Variants in VRK2 observed in about 807,000 individuals in gnomAD.
The protein encoded by VRK2 is serine/threonine-protein kinase VRK2.
VRK2 carries 60 observed loss-of-function variants against 57.6 expected under a neutral mutation model. The observed-to-expected ratio is 1.04, with a 90% CI of 0.85 to 1.29. VRK2 has a LOEUF of 1.29. Among genes scored for constraint, VRK2 ranks in the 50% most tolerant of loss-of-function variants. The pLI, the probability that VRK2 is intolerant of heterozygous loss-of-function variation, is 0.00. For missense variants in VRK2, 705 were observed against 588.1 expected (o/e 1.20, Z -2.06); for synonymous variants, 231 against 199.2 (o/e 1.16, Z -1.35).
intron 2 of VRK2, among the ~76,000 whole-genome samples, chr2:58,064,614 A>G (rs541613981): frequency 6.6e-6 from 1 of 152,272 alleles, no homozygotes; most frequent in Non-Finnish European, 1.5e-5. Flanking sequence ...CTTCATGGCA[A>G]TATTCATTTT....
intron 7 of VRK2, among the ~76,000 whole-genome samples, chr2:58,120,502 T>A (rs1468085049): frequency 6.6e-6 from 1 of 152,042 alleles, no homozygotes; most frequent in African/African-American, 2.4e-5. Context: ...GGTTTTCATC[T>A]TTATATTAAA....
chr2:58,141,694 A>G (rs1681365214), intron 11 of VRK2, among the ~76,000 whole-genome samples: 1 of 151,992 alleles, frequency 6.6e-6, no homozygotes. Flanking sequence ...TGGGCTCACC[A>G]TATGTGGCTA....
chr2:58,117,902 TAG>T (rs1244277318), intron 7 of VRK2, among the ~76,000 whole-genome samples: 1 of 150,146 alleles, frequency 6.7e-6, no homozygotes, highest in East Asian at 2.0e-4. Context: ...GAGAAAAGAG[TAG>T]AGACACAGAG....
intron 2 of VRK2, among the ~76,000 whole-genome samples, chr2:58,061,526 TTAAAA>T (rs1387532401): frequency 1.3e-5 from 2 of 151,938 alleles, no homozygotes; most frequent in Non-Finnish European, 2.9e-5. Flanking sequence ...AAAGCAATAC[TTAAAA>T]TGATAAGATA....
chr2:58,070,163 A>G (rs906875039), intron 2 of VRK2, among the ~76,000 whole-genome samples: 2 of 152,142 alleles, frequency 1.3e-5, no homozygotes, highest in African/African-American at 4.8e-5. Flanking sequence ...ATTATTCACT[A>G]AAGTCCATAA....
At chr2:57,936,528 T>G (rs1300529515) in intron 1 of VRK2, among the ~76,000 whole-genome samples, 5 of 148,322 alleles carry the variant, frequency 3.4e-5, no homozygotes, top group Non-Finnish European at 5.9e-5. Context: ...GTTTTGTTTT[T>G]TTGTTTTTTT....
chr2:58,058,307 T>C, intron 2 of VRK2: 1 of 467,980 alleles, frequency 2.1e-6, no homozygotes, highest in South Asian at 1.6e-5. Flanking sequence ...TGCTGTATTT[T>C]ATCATGAAGA....
At chr2:57,980,636 T>G (rs1672392900) in intron 1 of VRK2, among the ~76,000 whole-genome samples, 1 of 152,206 alleles carries the variant, frequency 6.6e-6, no homozygotes, top group Non-Finnish European at 1.5e-5. Context: ...CAATTTGTGT[T>G]GAAATTTCCA....
intron 1 of VRK2, among the ~76,000 whole-genome samples, chr2:57,958,439 ATATATATTTG>A (rs201422559): frequency 0.011 from 1,536 of 145,182 alleles, 27 homozygotes; most frequent in African/African-American, 0.04. Flanking sequence ...ATATACATGT[ATATATATTTG>A]TATATATATA....
upstream of VRK2, among the ~76,000 whole-genome samples, chr2:58,043,608 A>G (rs1490343618): frequency 6.6e-6 from 1 of 152,112 alleles, no homozygotes; most frequent in Non-Finnish European, 1.5e-5. Context: ...TTCATTGTAT[A>G]GTAGATATAG....
intron 7 of VRK2, among the ~76,000 whole-genome samples, chr2:58,117,477 G>C (rs557358499): frequency 1.3e-5 from 2 of 152,194 alleles, no homozygotes; most frequent in African/African-American, 4.8e-5. Context: ...AGGTCACATG[G>C]GTCTATAGAA....
intron 11 of VRK2, 93 bp from the exon 12 acceptor site, chr2:58,146,223 G>C: frequency 8.7e-7 from 1 of 1,146,276 alleles, no homozygotes; most frequent in South Asian, 2.0e-5. Flanking sequence ...AGCTTGGCAA[G>C]TTTAGAGCTT....
chr2:57,973,266 A>G (rs73942261), intron 1 of VRK2, among the ~76,000 whole-genome samples: 3,978 of 151,934 alleles, frequency 0.026, 172 homozygotes, highest in African/African-American at 0.091. Flanking sequence ...CTTACGGATA[A>G]ATTTGAACAT....
At chr2:58,032,502 GATC>G (rs1674147117) in intron 2 of VRK2, among the ~76,000 whole-genome samples, 1 of 152,008 alleles carries the variant, frequency 6.6e-6, no homozygotes, top group African/African-American at 2.4e-5. Flanking sequence ...CTTATGATCT[GATC>G]ATCTTCCAAA....
intron 9 of VRK2, 89 bp from the exon 10 acceptor site, chr2:58,135,052 C>A: frequency 7.0e-7 from 1 of 1,419,378 alleles, no homozygotes; most frequent in Non-Finnish European, 9.8e-7. Context: ...TTTTGGTGAC[C>A]TACCAACACA....
rs377547569 is a variant in VRK2, at chr2:57,925,059, T to C, written c.-439+17220T>C. ...CCATCTTTGCATCCCTGGGATCAAT[T>C]CCACTTGGTGATGATTAGTGATCTT... On this transcript the variant is annotated intron_variant, in intron 1 of 15. Coordinates refer to the VRK2 transcript ENST00000417641. 3.5e-4 allele frequency among the ~76,000 whole-genome samples: 53 copies of C among 152,186 alleles called. 1 individual carries two copies. The South Asian group carries it at 0.01, about 30-fold the overall frequency.
chr2:58,126,439 C>G (rs1215332572), intron 8 of VRK2, among the ~76,000 whole-genome samples: 2 of 152,018 alleles, frequency 1.3e-5, no homozygotes, highest in Non-Finnish European at 2.9e-5. Context: ...GTCATTACAT[C>G]TAAGCATTTT....
intron 2 of VRK2, among the ~76,000 whole-genome samples, chr2:58,074,422 C>A (rs1393361719): frequency 6.6e-6 from 1 of 151,786 alleles, no homozygotes; most frequent in Admixed American, 6.6e-5. Context: ...TGTATGACTC[C>A]GTTTTCTCTC....
intron 1 of VRK2, among the ~76,000 whole-genome samples, chr2:58,017,019 G>GA (rs35544401): frequency 1.3e-5 from 2 of 151,910 alleles, no homozygotes; most frequent in African/African-American, 2.4e-5. Context: ...GTCAAAAGGG[G>GA]AAAAAAAAGT....
Sources: allele counts gnomAD v4.1 joint callset (sites outside exome capture counted in the v4.1 genomes callset), GRCh38; gene constraint gnomAD v4.1.1; transcripts MANE v1.5; gene names NCBI Gene and HGNC (gene_info 2026-07-23, HGNC 2026-07-21).